The following SAMD5 variants were observed in gnomAD, a reference collection of about 807,000 sequenced individuals.
The protein encoded by SAMD5 is sterile alpha motif domain containing 5, also known as sterile alpha motif domain-containing protein 5.
Under a neutral mutation model 11.3 loss-of-function variants are expected in SAMD5, and 13 were observed. The ratio of observed to expected loss-of-function variants is 1.15; its 90% CI spans 0.75 to 1.83. SAMD5 has a LOEUF of 1.83. SAMD5 is among the 40% of genes most tolerant of loss of function. The probability of loss-of-function intolerance (pLI) is 0.00; values close to 1 mark genes in which losing one functional copy is unlikely to be tolerated. For synonymous variants in SAMD5, 129 were observed against 111.3 expected (o/e 1.16, Z -1.00); for missense variants, 255 against 239.1 (o/e 1.07, Z -0.44).
the SAMD5 span, among the ~76,000 whole-genome samples, chr6:147,811,730 A>T: frequency 2.0e-5 from 3 of 151,874 alleles, no homozygotes; most frequent in Non-Finnish European, 4.4e-5. Flanking sequence ...AATACCAACA[A>T]TGAACTTTAG....
At chr6:147,937,044 A>G in the SAMD5 span, among the ~76,000 whole-genome samples, 1 of 152,176 alleles carries the variant, frequency 6.6e-6, no homozygotes, top group African/African-American at 2.4e-5. Context: ...ATGGACCTGA[A>G]TAGTGCCTGG....
At chr6:147,581,547 G>A (rs117961953) in intron 1 of SAMD5, among the ~76,000 whole-genome samples, 2,814 of 152,132 alleles carry the variant, frequency 0.018, 45 homozygotes, top group Non-Finnish European at 0.025. Context: ...CAAGTAGGAG[G>A]GCAAAAACCA....
the SAMD5 span, among the ~76,000 whole-genome samples, chr6:147,794,780 G>C: frequency 6.6e-6 from 1 of 151,994 alleles, no homozygotes; most frequent in African/African-American, 2.4e-5. Flanking sequence ...AATGTCCCTA[G>C]GTATTGTAGC....
chr6:147,561,109 A>T (rs1273822302), intron 1 of SAMD5, among the ~76,000 whole-genome samples: 1 of 152,264 alleles, frequency 6.6e-6, no homozygotes, highest in Non-Finnish European at 1.5e-5. Flanking sequence ...CCTTGTCTTT[A>T]AAAATGCAAA....
intron 1 of SAMD5, among the ~76,000 whole-genome samples, chr6:147,689,486 G>C (rs1023161233): frequency 6.6e-6 from 1 of 152,122 alleles, no homozygotes; most frequent in East Asian, 1.9e-4. Context: ...GGATTAAAAA[G>C]ACAGTGTATA....
downstream of SAMD5, among the ~76,000 whole-genome samples, chr6:147,738,610 A>C (rs895983263): frequency 7.9e-5 from 12 of 152,204 alleles, no homozygotes; most frequent in African/African-American, 2.9e-4. Context: ...GAATATTTTC[A>C]TAGCAGAGGG....
At chr6:147,861,018 A>C in the SAMD5 span, among the ~76,000 whole-genome samples, 3 of 152,300 alleles carry the variant, frequency 2.0e-5, no homozygotes, top group South Asian at 6.2e-4. Flanking sequence ...TAGGCTCAAC[A>C]GTTGCAAAAG....
intron 1 of SAMD5, among the ~76,000 whole-genome samples, chr6:147,684,000 A>G (rs1173982972): frequency 1.3e-5 from 2 of 152,280 alleles, no homozygotes; most frequent in East Asian, 3.9e-4. Context: ...TACCACACAA[A>G]TCATGAACAT....
chr6:147,732,558 C>T (rs941002022), intron 1 of SAMD5, among the ~76,000 whole-genome samples: 2 of 152,138 alleles, frequency 1.3e-5, no homozygotes, highest in Non-Finnish European at 2.9e-5. Flanking sequence ...CCTGCTCATA[C>T]AGCTAGAAAT....
the SAMD5 span, among the ~76,000 whole-genome samples, chr6:147,797,710 G>A: frequency 1.4e-5 from 2 of 138,668 alleles, no homozygotes; most frequent in Non-Finnish European, 3.1e-5. Context: ...GACTCTTTTT[G>A]GTTGGTAAGC....
chr6:147,788,648 T>C, the SAMD5 span, among the ~76,000 whole-genome samples: 1 of 152,232 alleles, frequency 6.6e-6, no homozygotes, highest in Non-Finnish European at 1.5e-5. Flanking sequence ...TGGTTAAGAA[T>C]ATGAGTGAAG....
chr6:147,744,624 G>A, the SAMD5 span, among the ~76,000 whole-genome samples: 4 of 152,154 alleles, frequency 2.6e-5, no homozygotes, highest in Non-Finnish European at 5.9e-5. Flanking sequence ...CAGGCTGGGC[G>A]CGGTGGCTCA....
chr6:147,736,578 C>A (rs376540924), intron 1 of SAMD5, among the ~76,000 whole-genome samples: 10 of 152,226 alleles, frequency 6.6e-5, no homozygotes, highest in African/African-American at 2.4e-4. Flanking sequence ...CACAGGGAAG[C>A]AAGAGATTAC....
the SAMD5 span, among the ~76,000 whole-genome samples, chr6:147,849,584 C>G: frequency 6.6e-6 from 1 of 152,056 alleles, no homozygotes; most frequent in African/African-American, 2.4e-5. Flanking sequence ...TTTTTTGTAT[C>G]CTGATTTAGC....
the SAMD5 span, among the ~76,000 whole-genome samples, chr6:147,744,123 G>A: frequency 3.9e-5 from 6 of 152,260 alleles, no homozygotes; most frequent in South Asian, 1.2e-3. Flanking sequence ...TGCAAAAATG[G>A]TTAGATCAAG....
intron 1 of SAMD5, among the ~76,000 whole-genome samples, chr6:147,586,569 G>A (rs933564933): frequency 9.2e-5 from 14 of 151,804 alleles, no homozygotes; most frequent in African/African-American, 2.7e-4. Flanking sequence ...ACGTTACCAC[G>A]GTTTTTCTTT....
At chr6:147,521,666 G>T (rs1396307464) in intron 1 of SAMD5, among the ~76,000 whole-genome samples, 1 of 152,010 alleles carries the variant, frequency 6.6e-6, no homozygotes, top group Non-Finnish European at 1.5e-5. Context: ...TATGTAAAGG[G>T]CCTCATATAA....
Position 147,664,651 on chromosome 6 carries a change from C to T in SAMD5, c.163-72666C>T, listed in dbSNP as rs535341556. 3.3e-5 allele frequency among the ~76,000 whole-genome samples: 5 copies of T among 151,982 alleles called. 1 individual carries two copies. In the East Asian group the frequency reaches 7.7e-4, roughly 24 times the overall value. ...ACACAAATCTAGAAACACTGAATAC[C>T]GTATGTAAATTTAACTGGGATTTCT... On this transcript the variant is annotated intron_variant, in intron 1 of 1. Coordinates refer to the SAMD5 transcript ENST00000566741.
At chr6:147,607,340 T>C (rs1400398403) in intron 1 of SAMD5, among the ~76,000 whole-genome samples, 1 of 152,056 alleles carries the variant, frequency 6.6e-6, no homozygotes, top group Admixed American at 6.6e-5. Flanking sequence ...ATCCTAAAAT[T>C]TACATGGAAC....
Sources: gnomAD v4.1 joint callset for allele counts (sites outside exome capture counted in the v4.1 genomes callset) on GRCh38, gnomAD v4.1.1 for gene constraint, MANE v1.5 for transcripts, NCBI Gene and HGNC (gene_info 2026-07-23, HGNC 2026-07-21) for gene names.